The following ANKFY1 variants were observed in gnomAD, a reference collection of about 807,000 sequenced individuals.
ANKFY1 encodes ankyrin repeat and FYVE domain containing 1.
In ANKFY1, 47 loss-of-function variants were observed where a neutral mutation model predicts 128.3. The observed-to-expected ratio is 0.37, with a 90% CI of 0.29 to 0.47. The LOEUF is 0.47. Among genes scored for constraint, ANKFY1 ranks in the 20% least tolerant of loss-of-function variants. ANKFY1 has a pLI of 1.00. For missense variants in ANKFY1, 1,222 were observed against 1,510.6 expected (o/e 0.81, Z 3.17); for synonymous variants, 553 against 601.6 (o/e 0.92, Z 1.18).
rs1450624211 is a variant in ANKFY1, at chr17:4,184,869, C to T, written c.1648G>A (p.Ala550Thr). Reference sequence around the variant, plus strand: ...ACATCCGGATGGTTATAGGCGATCGCCATGTGCAGTGGCGTCTGCAGATGG... The same window carrying T: ...ACATCCGGATGGTTATAGGCGATCGTCATGTGCAGTGGCGTCTGCAGATGG... Reference protein sequence around the residue: ...SVHLQTPLHMAIAYNHPDVVS... With the variant: ...SVHLQTPLHMTIAYNHPDVVS... The change falls in exon 12 of 25, where the codon GCG becomes ACG. Residue 550 changes from alanine to threonine, a missense_variant. Physicochemically the swap from Ala to Thr is moderately conservative, Grantham distance 58. Transcript: ENST00000341657. The T allele has an allele frequency of 6.2e-7, 1 of 1,614,018 alleles. No homozygotes were observed. The highest frequency in any genetic ancestry group is 8.5e-7 in the Non-Finnish European group (1 of 1,180,052).
At chr17:4,255,392 C>T (rs574806401) in intron 1 of ANKFY1, among the ~76,000 whole-genome samples, 1 of 151,714 alleles carries the variant, frequency 6.6e-6, no homozygotes, top group Non-Finnish European at 1.5e-5. Context: ...AGATTACAGG[C>T]GCCTGCCACC....
chr17:4,200,873 C>T (rs1251597763), intron 7 of ANKFY1, among the ~76,000 whole-genome samples: 1 of 152,124 alleles, frequency 6.6e-6, no homozygotes, highest in Non-Finnish European at 1.5e-5. Flanking sequence ...TCATCTCCTT[C>T]GACTACATAT....
At chr17:4,255,751 T>C (rs1968079879) in intron 1 of ANKFY1, among the ~76,000 whole-genome samples, 1 of 152,178 alleles carries the variant, frequency 6.6e-6, no homozygotes, top group African/African-American at 2.4e-5. Context: ...CAGAAAATAC[T>C]ATCTTCCTTG....
At chr17:4,194,906 G>A (rs2059788314) in intron 10 of ANKFY1, 72 bp downstream of exon 10, 1 of 1,444,506 alleles carries the variant, frequency 6.9e-7, no homozygotes, top group Non-Finnish European at 9.7e-7. Context: ...AATTTGGGGT[G>A]AAGGCATTTA....
Position 4,169,619 on chromosome 17 carries a change from G to T in ANKFY1, c.3287-331C>A, listed in dbSNP as rs2059278088. Among the ~76,000 whole-genome samples, 1 of 152,156 alleles carries T rather than the reference G, an allele frequency of 6.6e-6. No homozygotes were observed. The highest frequency in any genetic ancestry group is 1.9e-4 in the East Asian group (1 of 5,186). ...CAGAGACCACACAGCTAGACAAACTGGCCAGGGGAACAGAGGATGGGACTA... is the reference window on the plus strand; with the variant it reads ...CAGAGACCACACAGCTAGACAAACTTGCCAGGGGAACAGAGGATGGGACTA... On this transcript the variant is annotated intron_variant, in intron 23 of 24. Transcript: ENST00000341657. The surrounding 1 kb of genome is among the most constrained non-coding windows in gnomAD (Gnocchi z 5.0).
At chr17:4,215,083 GT>G (rs2049108260) in intron 4 of ANKFY1, among the ~76,000 whole-genome samples, 1 of 152,074 alleles carries the variant, frequency 6.6e-6, no homozygotes, top group African/African-American at 2.4e-5. Flanking sequence ...GAGGCTAGGA[GT>G]TTGAGACTAA....
At chr17:4,259,528 C>T (rs1968295459) in intron 1 of ANKFY1, among the ~76,000 whole-genome samples, 1 of 152,174 alleles carries the variant, frequency 6.6e-6, no homozygotes, top group South Asian at 2.1e-4. Context: ...GTGATCCGCC[C>T]ACCTTGGCCT....
chr17:4,205,413 A>AT (rs71383530), intron 7 of ANKFY1, among the ~76,000 whole-genome samples: 41 of 150,488 alleles, frequency 2.7e-4, no homozygotes, highest in African/African-American at 6.6e-4. Flanking sequence ...AAAACCTAGT[A>AT]TTTTTTTTTT....
intron 10 of ANKFY1, among the ~76,000 whole-genome samples, chr17:4,193,879 C>T (rs2059764157): frequency 6.6e-6 from 1 of 151,288 alleles, no homozygotes; most frequent in Non-Finnish European, 1.5e-5. Context: ...CCTACCTCAG[C>T]GTCCTGAGTA....
chr17:4,192,303 T>C (rs1214720925), intron 10 of ANKFY1, among the ~76,000 whole-genome samples: 1 of 145,672 alleles, frequency 6.9e-6, no homozygotes, highest in Non-Finnish European at 1.5e-5. Flanking sequence ...TAGTTGATGG[T>C]TACTCTAATC....
chr17:4,243,838 T>G (rs1967385517), intron 1 of ANKFY1, among the ~76,000 whole-genome samples: 1 of 152,192 alleles, frequency 6.6e-6, no homozygotes. Flanking sequence ...CATTTATCAG[T>G]GTTCACGAGG....
chr17:4,210,649 A>C (rs909004499), intron 4 of ANKFY1, among the ~76,000 whole-genome samples: 1 of 125,520 alleles, frequency 8.0e-6, no homozygotes, highest in Non-Finnish European at 1.6e-5. Flanking sequence ...CGGAGGTTGC[A>C]GTGAGCTGAG....
intron 7 of ANKFY1, among the ~76,000 whole-genome samples, chr17:4,198,144 G>A (rs1380129156): frequency 6.7e-6 from 1 of 149,124 alleles, no homozygotes; most frequent in East Asian, 2.0e-4. Flanking sequence ...AAAAAAAAAA[G>A]AACACTAGGC....
chr17:4,232,424 C>T (rs2060528996), intron 3 of ANKFY1, among the ~76,000 whole-genome samples: 1 of 152,138 alleles, frequency 6.6e-6, no homozygotes, highest in African/African-American at 2.4e-5. Context: ...CCACCTTGGA[C>T]CTCTCCCCCA....
At chr17:4,182,653 T>C (rs1230758610) in intron 14 of ANKFY1, among the ~76,000 whole-genome samples, 1 of 152,212 alleles carries the variant, frequency 6.6e-6, no homozygotes, top group Non-Finnish European at 1.5e-5. Context: ...CAAACCTTCC[T>C]TCCCCCACTC....
chr17:4,243,002 CAT>C (rs774861480), intron 1 of ANKFY1, among the ~76,000 whole-genome samples: 4 of 152,200 alleles, frequency 2.6e-5, no homozygotes, highest in East Asian at 1.9e-4. Flanking sequence ...CTAATTTTCA[CAT>C]GTTCTTCTAA....
At chr17:4,223,074 A>C in intron 3 of ANKFY1, 1 of 728,366 alleles carries the variant, frequency 1.4e-6, no homozygotes, top group Non-Finnish European at 2.5e-6. Flanking sequence ...TTTCCATGGG[A>C]TTTTAATAGA....
Position 4,236,087 on chromosome 17 carries a change from C to T in ANKFY1, c.204-197G>A, listed in dbSNP as rs544237551. Among the ~76,000 whole-genome samples, 146 of 152,312 alleles carry T rather than the reference C, an allele frequency of 9.6e-4. 1 individual carries two copies. Among genetic ancestry groups the T allele is most frequent in the South Asian group, 2.3e-3 (11 of 4,828 alleles). On this transcript the variant is annotated intron_variant, in intron 2 of 24. Transcript: ENST00000341657. ...TATAGTATGTTGCTAGAAATGTTTT[C>T]TATTGATAAATTCTGGCTTTAATTC...
intron 1 of ANKFY1, among the ~76,000 whole-genome samples, chr17:4,247,778 AG>A (rs1235892669): frequency 6.6e-6 from 1 of 152,230 alleles, no homozygotes; most frequent in African/African-American, 2.4e-5. Flanking sequence ...GATCAAGCCC[AG>A]CCCCACTACT....
Sources: gnomAD v4.1 joint callset for allele counts (sites outside exome capture counted in the v4.1 genomes callset) on GRCh38, gnomAD v4.1.1 for gene constraint, Gnocchi (gnomAD v3.1) non-coding constraint, MANE v1.5 for transcripts, NCBI Gene and HGNC (gene_info 2026-07-23, HGNC 2026-07-21) for gene names.